The following WWOX variants were observed in gnomAD, a reference collection of about 807,000 sequenced individuals.
WWOX encodes WW domain containing oxidoreductase.
WWOX carries 69 observed loss-of-function variants against 46.2 expected under a neutral mutation model. That is an observed-to-expected ratio of 1.49 (90% CI 1.23 to 1.82). The LOEUF is 1.82. Ranked by LOEUF, WWOX falls within the 40% of genes most tolerant of loss-of-function variation. WWOX has a pLI of 0.00. For synonymous variants in WWOX, 359 were observed against 202.6 expected, an observed-to-expected ratio of 1.77 and a Z score of -6.56; for missense variants, 919 against 542.6, an observed-to-expected ratio of 1.69 and a Z score of -6.89.
rs559292978 is a variant in WWOX, at chr16:78,390,708, T to G, written c.605+3760T>G. On this transcript the variant is annotated intron_variant, in intron 6 of 8. Transcript: ENST00000566780. ...AACTGTCAGAAGTGAATTTAAGTGC[T>G]GGTGACTAGGCTGCCAGAGAAACAC... Among the ~76,000 whole-genome samples, 6 of 152,320 alleles carry G rather than the reference T, an allele frequency of 3.9e-5. No individual in the cohort carries two copies. The South Asian group carries it at 1.2e-3, about 32-fold the overall frequency.
intron 6 of WWOX, among the ~76,000 whole-genome samples, chr16:78,422,671 A>ATG (rs2082961824): frequency 2.9e-5 from 2 of 68,572 alleles, no homozygotes; most frequent in Non-Finnish European, 5.5e-5. Context: ...ATGTATATAT[A>ATG]TATATATATA....
intron 5 of WWOX, among the ~76,000 whole-genome samples, chr16:78,312,885 C>A (rs1028243296): frequency 1.1e-4 from 17 of 152,324 alleles, no homozygotes; most frequent in African/African-American, 4.1e-4. Context: ...GGCCTCACTT[C>A]CCACTGCCTC....
chr16:78,569,183 T>C (rs117920519), intron 8 of WWOX, among the ~76,000 whole-genome samples: 2,751 of 152,288 alleles, frequency 0.018, 49 homozygotes, highest in African/African-American at 0.043. Flanking sequence ...AATGTGACTT[T>C]CTGTAGCAAA....
intron 8 of WWOX, among the ~76,000 whole-genome samples, chr16:78,643,745 T>C (rs953557770): frequency 6.6e-6 from 1 of 152,016 alleles, no homozygotes; most frequent in Non-Finnish European, 1.5e-5. Flanking sequence ...AGCCCTAGAC[T>C]TCTTGTGCCT....
intron 8 of WWOX, among the ~76,000 whole-genome samples, chr16:78,785,291 A>G (rs2050427509): frequency 6.6e-6 from 1 of 152,190 alleles, no homozygotes; most frequent in Non-Finnish European, 1.5e-5. Flanking sequence ...GGCTGCAGAA[A>G]TTCTCACTTC....
At chr16:78,172,819 T>C (rs947553625) in intron 5 of WWOX, among the ~76,000 whole-genome samples, 3 of 152,186 alleles carry the variant, frequency 2.0e-5, no homozygotes, top group Admixed American at 1.3e-4. Flanking sequence ...TTAAGCAATT[T>C]TGACATAGTT....
At chr16:79,106,943 G>A (rs920391425) in intron 8 of WWOX, among the ~76,000 whole-genome samples, 1 of 151,660 alleles carries the variant, frequency 6.6e-6, no homozygotes, top group African/African-American at 2.4e-5. Context: ...GAGTAGCTGG[G>A]ATTCTGGGTG....
intron 8 of WWOX, among the ~76,000 whole-genome samples, chr16:78,824,155 A>G (rs1281255011): frequency 6.6e-6 from 1 of 152,184 alleles, no homozygotes; most frequent in Non-Finnish European, 1.5e-5. Context: ...TTGATTTTAA[A>G]CGATCTTTAG....
chr16:78,210,344 G>T (rs2036520680), intron 5 of WWOX, among the ~76,000 whole-genome samples: 1 of 152,166 alleles, frequency 6.6e-6, no homozygotes, highest in Non-Finnish European at 1.5e-5. Context: ...GATTTTTAAT[G>T]CCCTGCATCA....
At chr16:78,168,784 G>T (rs971635268) in intron 5 of WWOX, among the ~76,000 whole-genome samples, 2 of 152,076 alleles carry the variant, frequency 1.3e-5, no homozygotes, top group African/African-American at 4.8e-5. Context: ...TTGGGAAGAA[G>T]GAGCTATTTA....
chr16:79,208,322 C>G (rs886508146), intron 8 of WWOX, among the ~76,000 whole-genome samples: 2 of 151,984 alleles, frequency 1.3e-5, no homozygotes, highest in Non-Finnish European at 2.9e-5. Flanking sequence ...ACACCTCCCC[C>G]GTTTCCCATG....
chr16:78,887,058 G>C (rs1395359174), intron 8 of WWOX, among the ~76,000 whole-genome samples: 1 of 143,694 alleles, frequency 7.0e-6, no homozygotes, highest in Non-Finnish European at 1.5e-5. Context: ...TGACAGTCTG[G>C]CTATATGTGT....
At chr16:78,900,858 AAAAG>A (rs2044814403) in intron 8 of WWOX, among the ~76,000 whole-genome samples, 1 of 152,050 alleles carries the variant, frequency 6.6e-6, no homozygotes. Flanking sequence ...AAAAAAAAAA[AAAAG>A]AAAAAGATAG....
At chr16:79,113,902 GT>G (rs1427276421) in intron 8 of WWOX, among the ~76,000 whole-genome samples, 1 of 152,222 alleles carries the variant, frequency 6.6e-6, no homozygotes, top group African/African-American at 2.4e-5. Context: ...TGGAAGGAAT[GT>G]TTGAATCGGA....
chr16:78,914,915 G>A (rs1248170666), intron 8 of WWOX, among the ~76,000 whole-genome samples: 5 of 149,950 alleles, frequency 3.3e-5, no homozygotes, highest in African/African-American at 1.2e-4. Context: ...GAACCAGATG[G>A]CCCTGCCCTT....
intron 8 of WWOX, chr16:78,897,656 T>G (rs995055058): frequency 6.6e-6 from 1 of 152,208 alleles, no homozygotes; most frequent in East Asian, 1.9e-4. Flanking sequence ...GTATACATGT[T>G]TTTATGCCCT....
chr16:78,689,954 A>G (rs117988584), intron 8 of WWOX, among the ~76,000 whole-genome samples: 1,900 of 152,146 alleles, frequency 0.012, 20 homozygotes, highest in South Asian at 0.036. Context: ...TCTGCCTCGC[A>G]GGCTCAAATG....
At chr16:78,638,082 C>G (rs995187356) in intron 8 of WWOX, among the ~76,000 whole-genome samples, 16 of 152,208 alleles carry the variant, frequency 1.1e-4, no homozygotes, top group African/African-American at 9.7e-5. Flanking sequence ...TTTCCCCAAT[C>G]CAAGCTAAGC....
chr16:78,334,936 A>T (rs2080852252), intron 5 of WWOX, among the ~76,000 whole-genome samples: 1 of 128,808 alleles, frequency 7.8e-6, no homozygotes, highest in Non-Finnish European at 1.7e-5. Flanking sequence ...AAAAAAAAAA[A>T]AAGGCAGCAA....
Sources: allele counts gnomAD v4.1 joint callset (sites outside exome capture counted in the v4.1 genomes callset), GRCh38; gene constraint gnomAD v4.1.1; transcripts MANE v1.5; gene names NCBI Gene and HGNC (gene_info 2026-07-23, HGNC 2026-07-21).